The following ZBTB14 variants were observed in gnomAD, a reference collection of about 807,000 sequenced individuals.
ZBTB14 encodes zinc finger and BTB domain containing 14.
ZBTB14 carries 8 observed loss-of-function variants against 29.5 expected under a neutral mutation model. The ratio of observed to expected loss-of-function variants is 0.27; its 90% confidence interval spans 0.16 to 0.49. The LOEUF (loss-of-function observed/expected upper bound fraction) is 0.49. Ranked by LOEUF, ZBTB14 falls within the 20% of genes least tolerant of loss-of-function variation. The pLI, the probability that ZBTB14 is intolerant of heterozygous loss-of-function variation, is 0.99. For synonymous variants in ZBTB14, 226 were observed against 207.2 expected (o/e 1.09, Z -0.78); for missense variants, 333 against 563.8 (o/e 0.59, Z 4.15).
chr18:5,293,354 GAGGT>G, intron 2 of ZBTB14, 27 bp from the exon 3 acceptor site: 1 of 1,165,528 alleles, frequency 8.6e-7, no homozygotes, highest in Non-Finnish European at 1.2e-6. Flanking sequence ...AAACAAGAAT[GAGGT>G]AGGATCTTCC....
intron 1 of ZBTB14, among the ~76,000 whole-genome samples, chr18:5,294,203 G>A (rs2071886358): frequency 6.6e-6 from 1 of 152,308 alleles, no homozygotes; most frequent in South Asian, 2.1e-4. Context: ...CGTAGAAGCG[G>A]GATGTCTCAT....
In ZBTB14 at chr18:5,291,019, C is replaced by A; in HGVS notation, c.1189G>T (p.Ala397Ser). The A allele has an allele frequency of 6.2e-7, 1 of 1,614,258 alleles. No homozygotes were observed. The highest frequency in any genetic ancestry group is 8.5e-7 in the Non-Finnish European group (1 of 1,180,048). Residue 397 changes from alanine (A) to serine (S), a missense_variant, in exon 4 of 4, where the codon GCA becomes TCA. Transcript: ENST00000651870. This position sits in a 1 kb window ranked among gnomAD's most constrained non-coding sequence, Gnocchi z 5.8. ...KPFVCGSCTK[A>S]FAKASDLKRH... ...TTCAGATCAGATGCCTTGGCAAATG[C>A]CTTGGTGCAGGAGCCACACACAAAA...
chr18:5,293,910 T>C (rs965879392), intron 2 of ZBTB14, 62 bp downstream of exon 2: 1 of 152,250 alleles, frequency 6.6e-6, no homozygotes, highest in African/African-American at 2.4e-5. Context: ...CAGGTGTTTT[T>C]ACCTCTATCC....
chr18:5,294,330 C>A (rs2071889532), intron 1 of ZBTB14, among the ~76,000 whole-genome samples: 1 of 152,218 alleles, frequency 6.6e-6, no homozygotes, highest in East Asian at 1.9e-4. Flanking sequence ...AGAGGCTAGG[C>A]AGCCCAGCAA....
At chr18:5,293,551 C>A in intron 2 of ZBTB14, 1 of 298,178 alleles carries the variant, frequency 3.4e-6, no homozygotes, top group East Asian at 5.4e-5. Flanking sequence ...GGGCTGTGCC[C>A]TAGGAACTGG....
upstream of ZBTB14, among the ~76,000 whole-genome samples, chr18:5,296,643 G>A (rs1037001351): frequency 3.9e-5 from 6 of 152,178 alleles, no homozygotes; most frequent in Non-Finnish European, 4.4e-5. Flanking sequence ...TGGGGGAGTG[G>A]ACGGTGCACA....
chr18:5,295,646 T>G lies in ZBTB14; in HGVS notation c.-112+6A>C, dbSNP rs2071942407. 3 of 138,230 alleles carry G rather than the reference T, an allele frequency of 2.2e-5. No homozygotes were observed. Among genetic ancestry groups the G allele is most frequent in the Non-Finnish European group, 4.7e-5 (3 of 63,722 alleles). The allele number at this position is 138,230 out of a possible 1,614,324, so 8.6% of individuals were successfully genotyped here. A position where few individuals can be genotyped will look rare whatever the true frequency, so the allele number is the denominator to read the frequency against. On this transcript the variant is annotated splice_donor_region_variant and intron_variant, in intron 1 of 3. Transcript: ENST00000651870. ...AACCCTGGCCCACGCCCGTCCCCGC[T>G]CGCACCGCGCCGCGCCGCTGGCGGC...
Position 5,289,308 on chromosome 18 carries a change from G to A in ZBTB14, c.*1550C>T, listed in dbSNP as rs887365453. 1 of 152,024 alleles carries A rather than the reference G, an allele frequency of 6.6e-6. No homozygotes were observed. The highest frequency in any genetic ancestry group is 1.5e-5 in the Non-Finnish European group (1 of 67,996). The allele number at this position is 152,024 out of a possible 1,614,324, so 9.4% of individuals were successfully genotyped here. A position where few individuals can be genotyped will look rare whatever the true frequency, so the allele number is the denominator to read the frequency against. The stretch of plus-strand genomic sequence containing the variant: ...TAGCATCTTCATCCTAACATCTTGG[G>A]CATAACACACACCAATTAAAAAATC... On this transcript the variant is annotated 3_prime_UTR_variant, in exon 4 of 4. Coordinates refer to ENST00000651870, the MANE Select transcript of ZBTB14 (RefSeq NM_001243702.2).
At position 5,291,358 on chromosome 18, in the gene ZBTB14, T is replaced by G; in HGVS notation, c.850A>C (p.Lys284Gln). 6.2e-7 allele frequency: 1 copy of G among 1,614,208 alleles called. No individual in the cohort carries two copies. Among genetic ancestry groups the G allele is most frequent in the Non-Finnish European group, 8.5e-7 (1 of 1,180,036 alleles). The change falls in exon 4 of 4, where the codon AAG becomes CAG. Residue 284 changes from lysine (K) to glutamine (Q), a missense_variant. Physicochemically the swap from Lys to Gln is moderately conservative, Grantham distance 53. This residue lies in a region of ZBTB14 where 140 missense variants were observed against 274.6 expected (regional missense o/e 0.51). Coordinates refer to ENST00000651870, the MANE Select transcript of ZBTB14 (RefSeq NM_001243702.2). The surrounding 1 kb of genome is among the most constrained non-coding windows in gnomAD (Gnocchi z 5.8). Reference protein sequence around the residue: ...REQIACQACGKTFSDEGRLRK... With the variant: ...REQIACQACGQTFSDEGRLRK... ...AATCTGCCTTCATCAGAAAACGTCT[T>G]CCCACACGCCTGGCAGGCAATCTGC... is the stretch of plus-strand genomic sequence containing the variant.
chr18:5,290,610 G>GGA lies in ZBTB14; in HGVS notation c.*246_*247dup, dbSNP rs1213337744. On this transcript the variant is annotated 3_prime_UTR_variant, in exon 4 of 4. Transcript: ENST00000651870. ...AATTAAAATAATAAAAAAAAAAAAG[G>GGA]GAGAGAGGTGCTTACTGGGCAACAT... 2.4e-5 allele frequency: 8 copies of GGA among 340,040 alleles called. No individual in the cohort carries two copies. Among genetic ancestry groups the GGA allele is most frequent in the African/African-American group, 5.9e-5 (1 of 17,078 alleles). 21.1% of individuals were successfully genotyped at this position (340,040 alleles called of 1,614,324 possible).
Position 5,291,626 on chromosome 18 carries a change from C to A in ZBTB14, c.582G>T (p.Thr194=), listed in dbSNP as rs370080098. 1.9e-5 allele frequency: 31 copies of A among 1,613,762 alleles called. No homozygotes were observed. Among genetic ancestry groups the A allele is most frequent in the Non-Finnish European group, 2.5e-5 (30 of 1,180,028 alleles). The change falls in exon 4 of 4, where the codon ACG becomes ACT. Residue 194 remains threonine (T), a synonymous_variant. Transcript: ENST00000651870. The surrounding 1 kb of genome is among the most constrained non-coding windows in gnomAD (Gnocchi z 5.8). ...TCAGGATCGCTTCCTGAACCCTGAG[C>A]GTTGTGGTGGGCGACTTGCCGTCCT... ...SQEDGKSPTT[T]LRVQEAILKE... is the part of the protein sequence containing the mutation.
chr18:5,295,442 C>T (rs868553929), intron 1 of ZBTB14, among the ~76,000 whole-genome samples: 1,591 of 145,248 alleles, frequency 0.011, 24 homozygotes, highest in African/African-American at 0.036. Flanking sequence ...CCGCGCTCCG[C>T]GCTGGGTTCG....
intron 1 of ZBTB14, among the ~76,000 whole-genome samples, chr18:5,295,287 G>C (rs1038129133): frequency 6.9e-6 from 1 of 144,710 alleles, no homozygotes; most frequent in Non-Finnish European, 1.5e-5. Flanking sequence ...TCCCGCGGCC[G>C]GGGGCGGGGG....
chr18:5,293,463 A>T (rs2071865547), intron 2 of ZBTB14, 136 bp from the exon 3 acceptor site: 1 of 564,830 alleles, frequency 1.8e-6, no homozygotes, highest in Non-Finnish European at 3.2e-6. Flanking sequence ...AGTGGCAGGT[A>T]GGTAGCTGGT....
chr18:5,296,448 T>A (rs996364908), upstream of ZBTB14, among the ~76,000 whole-genome samples: 51 of 148,776 alleles, frequency 3.4e-4, no homozygotes, highest in Non-Finnish European at 6.4e-4. Context: ...CTCCCGTGCG[T>A]GTGCATGTGC....
chr18:5,295,410 C>G (rs942351951), intron 1 of ZBTB14, among the ~76,000 whole-genome samples: 5 of 144,924 alleles, frequency 3.5e-5, no homozygotes, highest in Admixed American at 1.4e-4. Flanking sequence ...GCCCGCGGCT[C>G]GGAGGGGCGG....
upstream of ZBTB14, chr18:5,296,316 G>T (rs2071965787): frequency 6.7e-6 from 1 of 150,372 alleles, no homozygotes; most frequent in South Asian, 2.1e-4. Context: ...CGGGAGCCAG[G>T]GAACTTAAGC....
Position 5,291,941 on chromosome 18 carries a change from G to A in ZBTB14, c.267C>T (p.Val89=). Residue 89 remains valine, a synonymous_variant, in exon 4 of 4, where the codon GTC becomes GTT. Coordinates refer to ENST00000651870, the MANE Select transcript of ZBTB14 (RefSeq NM_001243702.2). This position sits in a 1 kb window ranked among gnomAD's most constrained non-coding sequence, Gnocchi z 5.8. The stretch of plus-strand genomic sequence containing the variant: ...TCTTTGCTGTGTACATGTAGTTCAG[G>A]ACCTCTTCAAATATATCAGAACGAA... ...DFLRSDIFEE[V]LNYMYTAKIS... 1 of 1,614,100 alleles carries A rather than the reference G, an allele frequency of 6.2e-7. No homozygotes were observed. The highest frequency in any genetic ancestry group is 1.1e-5 in the South Asian group (1 of 91,066).
chr18:5,290,783 ACTGGCAT>A lies in ZBTB14; in HGVS notation c.*68_*74del, dbSNP rs1370789290. 1.2e-5 allele frequency: 18 copies of A among 1,541,528 alleles called. No individual in the cohort carries two copies. In the African/African-American group the frequency reaches 2.3e-4, roughly 20 times the overall value. On this transcript the variant is annotated 3_prime_UTR_variant, in exon 4 of 4. Transcript: ENST00000651870. Reference sequence around the variant, plus strand: ...CATACGTTTCCACAAAAATATTGTAACTGGCATTCACTCATTATGATCCACGTCATCT... The same window carrying A: ...CATACGTTTCCACAAAAATATTGTAATCACTCATTATGATCCACGTCATCT...
Sources: allele counts gnomAD v4.1 joint callset (sites outside exome capture counted in the v4.1 genomes callset), GRCh38; gene constraint gnomAD v4.1.1; regional missense constraint gnomAD v4.1.1; non-coding constraint Gnocchi (gnomAD v3.1); transcripts MANE v1.5; gene names NCBI Gene and HGNC (gene_info 2026-07-23, HGNC 2026-07-21).